SLCO3A1: variants seen among roughly 807,000 people sequenced by gnomAD.
SLCO3A1 encodes PGE1 transporter.
SLCO3A1 carries 27 observed loss-of-function variants against 63.1 expected under a neutral mutation model. That is an observed-to-expected ratio of 0.43 (90% CI 0.32 to 0.59). The LOEUF (loss-of-function observed/expected upper bound fraction) is 0.59, where lower values mean the gene tolerates loss of function less well. Among genes scored for constraint, SLCO3A1 ranks in the 20% least tolerant of loss-of-function variants. The pLI is 0.09. For synonymous variants in SLCO3A1, 473 were observed against 409.9 expected, an observed-to-expected ratio of 1.15 and a Z score of -1.86; for missense variants, 773 against 945.8, an observed-to-expected ratio of 0.82 and a Z score of 2.40.
At chr15:92,020,842 G>A (rs942621419) in intron 2 of SLCO3A1, among the ~76,000 whole-genome samples, 2 of 152,234 alleles carry the variant, frequency 1.3e-5, no homozygotes, top group East Asian at 3.8e-4. Flanking sequence ...TCCAAAAACA[G>A]ATATTCTTCC....
chr15:91,940,824 G>A (rs72751990), intron 2 of SLCO3A1, among the ~76,000 whole-genome samples: 9,404 of 152,224 alleles, frequency 0.062, 379 homozygotes, highest in Non-Finnish European at 0.089. Context: ...CGAATATTCT[G>A]CTTCCTGATT....
chr15:92,120,241 T>C (rs139027399), intron 4 of SLCO3A1, among the ~76,000 whole-genome samples: 330 of 152,264 alleles, frequency 2.2e-3, no homozygotes, highest in African/African-American at 7.7e-3. Context: ...TAGTAGAAGA[T>C]AGTAATTGGC....
intron 2 of SLCO3A1, among the ~76,000 whole-genome samples, chr15:92,089,654 T>C (rs1435185630): frequency 1.3e-5 from 2 of 152,220 alleles, no homozygotes; most frequent in Admixed American, 6.5e-5. Context: ...GGCAAAATTC[T>C]TGTCCAAGTT....
chr15:92,014,623 A>G (rs1273265494), intron 2 of SLCO3A1, among the ~76,000 whole-genome samples: 1 of 152,042 alleles, frequency 6.6e-6, no homozygotes, highest in Non-Finnish European at 1.5e-5. Context: ...TTCCTCCTCC[A>G]CTTGTCCACT....
chr15:91,923,355 G>T (rs1182992375), intron 2 of SLCO3A1, among the ~76,000 whole-genome samples: 1 of 152,226 alleles, frequency 6.6e-6, no homozygotes, highest in African/African-American at 2.4e-5. Flanking sequence ...TTCAGCCTGG[G>T]ATGTGATCCA....
At chr15:92,152,642 T>C (rs757378601) in intron 9 of SLCO3A1, among the ~76,000 whole-genome samples, 3 of 152,218 alleles carry the variant, frequency 2.0e-5, no homozygotes, top group Non-Finnish European at 4.4e-5. Context: ...ACCCCTGCTC[T>C]CACTGCAGTG....
In SLCO3A1 at chr15:91,892,839, T is replaced by G. The variant is rs1191607447; in HGVS notation, c.181-23154T>G. On this transcript the variant is annotated intron_variant, in intron 1 of 9. Transcript: ENST00000318445. ...TGCTGAAATTTCCTTGTACGTAAAA[T>G]GGGGATAATAATAGTATTCCTTTAA... Among the ~76,000 whole-genome samples, 6 of 152,204 alleles carry G rather than the reference T, an allele frequency of 3.9e-5. 1 individual carries two copies. In the East Asian group the frequency reaches 1.2e-3, roughly 29 times the overall value.
intron 9 of SLCO3A1, among the ~76,000 whole-genome samples, chr15:92,152,755 T>A (rs2048323658): frequency 1.3e-5 from 2 of 152,226 alleles, no homozygotes; most frequent in South Asian, 4.1e-4. Flanking sequence ...TTCAAGAAGC[T>A]AATGTTTATT....
At chr15:92,167,393 T>G (rs922718337), downstream of SLCO3A1, among the ~76,000 whole-genome samples, 3 of 152,236 alleles carry the variant, frequency 2.0e-5, no homozygotes, top group Non-Finnish European at 4.4e-5. Context: ...GTGCCAACTT[T>G]TCCAAGAGAG....
chr15:92,061,472 C>A (rs2151506494), intron 2 of SLCO3A1, among the ~76,000 whole-genome samples: 1 of 152,330 alleles, frequency 6.6e-6, no homozygotes, highest in East Asian at 1.9e-4. Flanking sequence ...AGTAGCTGCC[C>A]CTCTGAAGGT....
At chr15:92,084,358 G>C (rs909359636) in intron 2 of SLCO3A1, among the ~76,000 whole-genome samples, 1 of 152,212 alleles carries the variant, frequency 6.6e-6, no homozygotes, top group African/African-American at 2.4e-5. Flanking sequence ...TTGATCAGAA[G>C]CATTCTGTGC....
chr15:92,074,634 C>G (rs1325135470), intron 2 of SLCO3A1, among the ~76,000 whole-genome samples: 1 of 152,166 alleles, frequency 6.6e-6, no homozygotes, highest in Non-Finnish European at 1.5e-5. Flanking sequence ...AGTTAGAACC[C>G]CGATGCTCAG....
At chr15:92,023,924 T>C in intron 2 of SLCO3A1, among the ~76,000 whole-genome samples, 1 of 152,200 alleles carries the variant, frequency 6.6e-6, no homozygotes, top group East Asian at 1.9e-4. Context: ...TACCTTTTTT[T>C]CCAGCTCATA....
At chr15:91,910,279 A>G (rs1898443080) in intron 1 of SLCO3A1, among the ~76,000 whole-genome samples, 1 of 152,200 alleles carries the variant, frequency 6.6e-6, no homozygotes, top group Non-Finnish European at 1.5e-5. Flanking sequence ...ACACAGCCAA[A>G]TGAATGTTGT....
At chr15:92,074,456 G>C (rs1329702025) in intron 2 of SLCO3A1, among the ~76,000 whole-genome samples, 1 of 152,144 alleles carries the variant, frequency 6.6e-6, no homozygotes, top group East Asian at 1.9e-4. Context: ...CAATTATGAG[G>C]ATCGTTTCTC....
intron 2 of SLCO3A1, among the ~76,000 whole-genome samples, chr15:91,934,944 G>T (rs574545396): frequency 6.6e-6 from 1 of 151,888 alleles, no homozygotes; most frequent in Non-Finnish European, 1.5e-5. Flanking sequence ...GGCGTCCTTC[G>T]TGAATTTCCT....
chr15:91,982,964 G>A (rs1471999965), intron 2 of SLCO3A1, among the ~76,000 whole-genome samples: 3 of 152,234 alleles, frequency 2.0e-5, no homozygotes, highest in Non-Finnish European at 4.4e-5. Context: ...GAGGGAGTCT[G>A]TCCCTTTACG....
intron 7 of SLCO3A1, among the ~76,000 whole-genome samples, chr15:92,145,535 C>T (rs1596143462): frequency 6.6e-6 from 1 of 152,258 alleles, no homozygotes. Context: ...AAGGTCTCTG[C>T]TGTAGGGTGG....
chr15:91,886,031 G>A lies in SLCO3A1; in HGVS notation c.181-29962G>A, dbSNP rs1190294744. On this transcript the variant is annotated intron_variant, in intron 1 of 9. Coordinates refer to ENST00000318445, the MANE Select transcript of SLCO3A1 (RefSeq NM_013272.4). This position sits in a 1 kb window ranked among gnomAD's most constrained non-coding sequence, Gnocchi z 4.9. Reference sequence around the variant, plus strand: ...GAGAGGTGGGTGGAAGACCAGACCCGGCAGGCCCCTGTGAGCCACAGGGAG... The same window carrying A: ...GAGAGGTGGGTGGAAGACCAGACCCAGCAGGCCCCTGTGAGCCACAGGGAG... 1.3e-5 allele frequency among the ~76,000 whole-genome samples: 2 copies of A among 152,058 alleles called. No homozygotes were observed. Among genetic ancestry groups the A allele is most frequent in the African/African-American group, 2.4e-5 (1 of 41,400 alleles).
Sources: allele counts gnomAD v4.1 joint callset (sites outside exome capture counted in the v4.1 genomes callset), GRCh38; gene constraint gnomAD v4.1.1; non-coding constraint Gnocchi (gnomAD v3.1); transcripts MANE v1.5; gene names NCBI Gene and HGNC (gene_info 2026-07-23, HGNC 2026-07-21).